Variants in EVC2 observed in about 807,000 individuals in gnomAD.
The protein encoded by EVC2 is EvC ciliary complex subunit 2.
A neutral mutation model predicts 149.3 loss-of-function variants in EVC2; 148 were observed. That is an observed-to-expected ratio of 0.99 (90% CI 0.87 to 1.14). The LOEUF (loss-of-function observed/expected upper bound fraction) is 1.14, where lower values mean the gene tolerates loss of function less well. Ranked by LOEUF, EVC2 falls within the 50% of genes most tolerant of loss-of-function variation. The probability of loss-of-function intolerance (pLI) is 0.00; values close to 1 mark genes in which losing one functional copy is unlikely to be tolerated. For missense variants in EVC2, 1,854 were observed against 1,627.3 expected (o/e 1.14, Z -2.40); for synonymous variants, 776 against 649.9 (o/e 1.19, Z -2.95).
intron 1 of EVC2, among the ~76,000 whole-genome samples, chr4:5,706,413 C>CATACATACATAG (rs1553854655): frequency 6.4e-5 from 1 of 15,522 alleles, no homozygotes; most frequent in African/African-American, 3.0e-4. Flanking sequence ...TAGATAGATA[C>CATACATACATAG]ATAGATAGAT....
chr4:5,687,134 G>A (rs1720772217), intron 5 of EVC2, among the ~76,000 whole-genome samples: 1 of 152,154 alleles, frequency 6.6e-6, no homozygotes, highest in Non-Finnish European at 1.5e-5. Flanking sequence ...GCACACGCCT[G>A]TAGACCCAGC....
rs2287576 is a variant in EVC2, at chr4:5,562,464, A to T, written c.*384T>A. The T allele has an allele frequency of 0.76, 805,156 of 1,060,184 alleles. 313,639 individuals are homozygous for T. The highest frequency in any genetic ancestry group is 0.8 in the Non-Finnish European group (697,946 of 872,728). The allele number at this position is 1,060,184 out of a possible 1,614,324, so 65.7% of individuals were successfully genotyped here. A position where few individuals can be genotyped will look rare whatever the true frequency, so the allele number is the denominator to read the frequency against. The stretch of plus-strand genomic sequence containing the variant: ...TTTGTGCAAAACACATTTATTTTTT[A>T]AAATTCCCTTTATAAAAATAGAATA... On this transcript the variant is annotated 3_prime_UTR_variant, in exon 22 of 22. Coordinates refer to ENST00000344408, the MANE Select transcript of EVC2 (RefSeq NM_147127.5). The surrounding 1 kb of genome is among the most constrained non-coding windows in gnomAD (Gnocchi z 4.3).
chr4:5,629,140 A>G (rs1716346453), intron 11 of EVC2, among the ~76,000 whole-genome samples: 1 of 152,194 alleles, frequency 6.6e-6, no homozygotes, highest in African/African-American at 2.4e-5. Flanking sequence ...AGGAGCTCCC[A>G]CCACCACAGA....
At chr4:5,554,188 T>C (rs1252987881) in intron 21 of EVC2, among the ~76,000 whole-genome samples, 1 of 152,198 alleles carries the variant, frequency 6.6e-6, no homozygotes, top group African/African-American at 2.4e-5. Flanking sequence ...TGTCTTTTCT[T>C]GGACCCATCC....
chr4:5,654,922 G>A (rs1013278481), intron 9 of EVC2, among the ~76,000 whole-genome samples: 4 of 152,300 alleles, frequency 2.6e-5, no homozygotes, highest in Admixed American at 6.5e-5. Context: ...TTCTCGGCAC[G>A]AGTCCTCTCT....
intron 12 of EVC2, among the ~76,000 whole-genome samples, chr4:5,626,433 T>C (rs1242527986): frequency 6.6e-6 from 1 of 151,320 alleles, no homozygotes; most frequent in African/African-American, 2.4e-5. Context: ...CCTCCAACTT[T>C]AAGCAATTCT....
In EVC2 at chr4:5,643,363, C is replaced by G. The variant is rs74687590; in HGVS notation, c.1146-2525G>C. Reference sequence around the variant, plus strand: ...TAGACCTGGTTAAAATAATTCTTATCCTTCTTTAGCCTCACCATGTAATTG... The same window carrying G: ...TAGACCTGGTTAAAATAATTCTTATGCTTCTTTAGCCTCACCATGTAATTG... On this transcript the variant is annotated intron_variant, in intron 9 of 21. Coordinates refer to ENST00000344408, the MANE Select transcript of EVC2 (RefSeq NM_147127.5). 6.8e-3 allele frequency among the ~76,000 whole-genome samples: 1,030 copies of G among 152,184 alleles called. 19 individuals are homozygous for G. Among genetic ancestry groups the G allele is most frequent in the African/African-American group, 0.022 (917 of 41,446 alleles).
intron 9 of EVC2, among the ~76,000 whole-genome samples, chr4:5,641,518 C>A (rs957374809): frequency 3.9e-5 from 6 of 152,160 alleles, no homozygotes; most frequent in African/African-American, 1.4e-4. Context: ...CGCAGAGTCA[C>A]GGTGTTCTGA....
chr4:5,558,883 T>A (rs1721888783), downstream of EVC2, among the ~76,000 whole-genome samples: 1 of 152,128 alleles, frequency 6.6e-6, no homozygotes, highest in South Asian at 2.1e-4. Context: ...GGAGCCACGA[T>A]TTTCACTGTT....
chr4:5,599,930 T>C (rs1713837181), intron 16 of EVC2, among the ~76,000 whole-genome samples: 1 of 152,218 alleles, frequency 6.6e-6, no homozygotes, highest in Admixed American at 6.5e-5. Context: ...TGAAATACTA[T>C]TTTGCTAAAT....
At chr4:5,598,654 C>T (rs1460098175) in intron 16 of EVC2, among the ~76,000 whole-genome samples, 1 of 152,092 alleles carries the variant, frequency 6.6e-6, no homozygotes. Context: ...AGGACATAGG[C>T]ATGGGCAAGG....
At chr4:5,709,294 G>T (rs1722427870), upstream of EVC2, 1 of 152,454 alleles carries the variant, frequency 6.6e-6, no homozygotes, top group South Asian at 2.1e-4. Flanking sequence ...ACAAAAAGGG[G>T]GACTGGTGGA....
the EVC2 span, among the ~76,000 whole-genome samples, chr4:5,534,351 GC>G: frequency 6.6e-6 from 1 of 152,212 alleles, no homozygotes; most frequent in African/African-American, 2.4e-5. Context: ...TATTGGTTCA[GC>G]GAGTGAGTGG....
chr4:5,638,512 A>C (rs1280906618), intron 10 of EVC2, among the ~76,000 whole-genome samples: 1 of 152,162 alleles, frequency 6.6e-6, no homozygotes, highest in African/African-American at 2.4e-5. Flanking sequence ...GGCTCGGCTC[A>C]AGGATGTGGG....
chr4:5,623,591 C>T (rs1045949335), intron 13 of EVC2, among the ~76,000 whole-genome samples: 4 of 152,268 alleles, frequency 2.6e-5, no homozygotes, highest in African/African-American at 9.6e-5. Flanking sequence ...CTACCCACCT[C>T]GGCCTCCTAA....
At chr4:5,578,219 C>T (rs1229854711) in intron 17 of EVC2, among the ~76,000 whole-genome samples, 2 of 128,034 alleles carry the variant, frequency 1.6e-5, no homozygotes, top group African/African-American at 3.5e-5. Flanking sequence ...TCAGGAGCAT[C>T]GTTGACATGT....
At chr4:5,621,689 T>C (rs1715700716) in intron 14 of EVC2, among the ~76,000 whole-genome samples, 2 of 152,198 alleles carry the variant, frequency 1.3e-5, no homozygotes, top group Admixed American at 6.5e-5. Flanking sequence ...CTGGCCCCTC[T>C]GGAATATGAC....
chr4:5,676,580 G>C (rs1720009158), intron 7 of EVC2, among the ~76,000 whole-genome samples: 1 of 152,190 alleles, frequency 6.6e-6, no homozygotes, highest in Admixed American at 6.5e-5. Flanking sequence ...TTATGTATGT[G>C]TCACATACAA....
intron 9 of EVC2, among the ~76,000 whole-genome samples, chr4:5,642,579 A>T (rs1203790086): frequency 6.6e-6 from 1 of 152,222 alleles, no homozygotes; most frequent in East Asian, 1.9e-4. Context: ...ACAGAGCTCT[A>T]GATACTCACA....
Sources: gnomAD v4.1 joint callset for allele counts (sites outside exome capture counted in the v4.1 genomes callset) on GRCh38, gnomAD v4.1.1 for gene constraint, Gnocchi (gnomAD v3.1) non-coding constraint, MANE v1.5 for transcripts, NCBI Gene and HGNC (gene_info 2026-07-23, HGNC 2026-07-21) for gene names.